MALRD1: variants seen among roughly 807,000 people sequenced by gnomAD.
The protein encoded by MALRD1 is MAM and LDL-receptor class A domain-containing protein 1.
Under a neutral mutation model 242.1 loss-of-function variants are expected in MALRD1, and 247 were observed. The ratio of observed to expected loss-of-function variants is 1.02; its 90% CI spans 0.92 to 1.13. The LOEUF is 1.13. MALRD1 is among the 50% of genes most tolerant of loss of function. The probability of loss-of-function intolerance (pLI) is 0.00; values close to 1 mark genes in which losing one functional copy is unlikely to be tolerated. For missense variants in MALRD1, 2,989 were observed against 2,533.1 expected (o/e 1.18, Z -3.86); for synonymous variants, 995 against 866.6 (o/e 1.15, Z -2.60).
At chr10:19,233,777 C>T (rs1460779630) in intron 18 of MALRD1, among the ~76,000 whole-genome samples, 10 of 151,502 alleles carry the variant, frequency 6.6e-5, no homozygotes, top group Non-Finnish European at 1.2e-4. Flanking sequence ...CAATTTGAAG[C>T]ACTGGATTAA....
chr10:19,339,083 C>A (rs1475313833), intron 24 of MALRD1, among the ~76,000 whole-genome samples: 1 of 151,532 alleles, frequency 6.6e-6, no homozygotes, highest in Non-Finnish European at 1.5e-5. Context: ...CACACACATC[C>A]CTAGGAGGAT....
chr10:19,654,773 G>T (rs1264367039), intron 36 of MALRD1, among the ~76,000 whole-genome samples: 5 of 152,118 alleles, frequency 3.3e-5, no homozygotes, highest in Non-Finnish European at 7.4e-5. Flanking sequence ...GGCACAGAAG[G>T]GAAATCAGGA....
chr10:19,165,982 TAAC>T (rs1834671467), intron 13 of MALRD1, among the ~76,000 whole-genome samples, 172 bp downstream of exon 13: 1 of 100,796 alleles, frequency 9.9e-6, no homozygotes, highest in Admixed American at 1.2e-4. Context: ...GATAACAAAA[TAAC>T]ACCATAGCTC....
chr10:19,383,727 C>G (rs547984528), intron 26 of MALRD1, among the ~76,000 whole-genome samples: 1 of 151,704 alleles, frequency 6.6e-6, no homozygotes, highest in African/African-American at 2.4e-5. Context: ...ATGTGATGAT[C>G]AAAATATCTC....
In MALRD1 at chr10:19,622,982, C is replaced by T. The variant is rs183707172; in HGVS notation, c.6137+7059C>T. 3.5e-4 allele frequency among the ~76,000 whole-genome samples: 53 copies of T among 152,014 alleles called. No homozygotes were observed. In the East Asian group the frequency reaches 6.4e-3, roughly 18 times the overall value. Reference sequence around the variant, plus strand: ...GAAAAGGGTAAAATTAGAACCATACCTCACACTATATATACACAAAGATAA... The same window carrying T: ...GAAAAGGGTAAAATTAGAACCATACTTCACACTATATATACACAAAGATAA... On this transcript the variant is annotated intron_variant, in intron 36 of 39. Transcript: ENST00000454679.
chr10:19,556,737 G>A (rs1835735956), intron 32 of MALRD1, among the ~76,000 whole-genome samples: 1 of 152,098 alleles, frequency 6.6e-6, no homozygotes, highest in South Asian at 2.1e-4. Flanking sequence ...TGCACATTTA[G>A]TGTAGACATA....
chr10:19,430,140 A>T (rs1186844334), intron 28 of MALRD1, among the ~76,000 whole-genome samples: 3 of 51,628 alleles, frequency 5.8e-5, no homozygotes, highest in Non-Finnish European at 6.9e-5. Flanking sequence ...TTTGAGATGG[A>T]GGCTCACTCT....
chr10:19,170,627 C>A (rs1043751817), intron 13 of MALRD1, among the ~76,000 whole-genome samples: 4 of 152,082 alleles, frequency 2.6e-5, no homozygotes, highest in African/African-American at 9.7e-5. Context: ...TAATCTAGAG[C>A]TGCATGAAAT....
chr10:19,197,400 T>C (rs1836313746), intron 14 of MALRD1, among the ~76,000 whole-genome samples: 3 of 152,202 alleles, frequency 2.0e-5, no homozygotes, highest in Admixed American at 2.0e-4. Context: ...TTGTCACATC[T>C]CTGCTTAAAA....
intron 28 of MALRD1, among the ~76,000 whole-genome samples, chr10:19,398,308 G>T (rs1039398088): frequency 1.2e-4 from 18 of 152,104 alleles, no homozygotes; most frequent in Admixed American, 1.3e-4. Context: ...TGCATTTAAT[G>T]TTGGTTAGGA....
chr10:19,064,152 T>C (rs2131234761), intron 1 of MALRD1, among the ~76,000 whole-genome samples: 1 of 152,192 alleles, frequency 6.6e-6, no homozygotes, highest in East Asian at 1.9e-4. Context: ...GATTATAAAA[T>C]TGAAAACAAA....
intron 36 of MALRD1, among the ~76,000 whole-genome samples, chr10:19,659,088 A>G (rs1294229617): frequency 6.6e-6 from 1 of 152,154 alleles, no homozygotes; most frequent in Non-Finnish European, 1.5e-5. Context: ...CATCAGGGTT[A>G]TTTTAGGACA....
chr10:19,472,652 TTATC>T (rs1324935938), intron 29 of MALRD1, among the ~76,000 whole-genome samples: 4 of 151,884 alleles, frequency 2.6e-5, no homozygotes, highest in Non-Finnish European at 5.9e-5. Context: ...TACTAGGAAT[TTATC>T]TATTTCTTTT....
At chr10:19,150,593 A>G (rs1009895700) in intron 11 of MALRD1, among the ~76,000 whole-genome samples, 1 of 152,198 alleles carries the variant, frequency 6.6e-6, no homozygotes, top group Non-Finnish European at 1.5e-5. Flanking sequence ...CTGTCTAGGC[A>G]GTAAGCTGTG....
chr10:19,309,730 T>C (rs945154154), intron 21 of MALRD1, among the ~76,000 whole-genome samples: 15 of 150,560 alleles, frequency 1.0e-4, no homozygotes, highest in African/African-American at 3.5e-4. Flanking sequence ...CTAGGTTAAC[T>C]GTACAGTGGT....
intron 2 of MALRD1, among the ~76,000 whole-genome samples, chr10:19,082,657 T>TA (rs35071671): frequency 3.3e-5 from 5 of 151,248 alleles, no homozygotes; most frequent in Admixed American, 2.0e-4. Context: ...TTTCTCACTT[T>TA]AAAAAAAAAC....
rs966207935 is a variant in MALRD1, at chr10:19,175,148, G to T, written c.1831-60G>T. On this transcript the variant is annotated intron_variant, in intron 13 of 39. Coordinates refer to ENST00000454679, the MANE Select transcript of MALRD1 (RefSeq NM_001142308.3). ...AGGGTTCCTCTACACAAAGAAATAT[G>T]ATTGTAAGACATTACTTTTGTGATG... 3 of 1,154,814 alleles carry T rather than the reference G, an allele frequency of 2.6e-6. No homozygotes were observed. The East Asian group carries it at 1.0e-4, about 39-fold the overall frequency. 71.5% of individuals were successfully genotyped at this position (1,154,814 alleles called of 1,614,324 possible). A position where few individuals can be genotyped will look rare whatever the true frequency, so the allele number is the denominator to read the frequency against.
intron 26 of MALRD1, among the ~76,000 whole-genome samples, chr10:19,362,199 G>A (rs532311235): frequency 6.6e-6 from 1 of 152,056 alleles, no homozygotes; most frequent in Non-Finnish European, 1.5e-5. Flanking sequence ...ATCAACTTCA[G>A]TGTATCCAAT....
intron 18 of MALRD1, among the ~76,000 whole-genome samples, 180 bp downstream of exon 18, chr10:19,209,860 C>T (rs1836967342): frequency 6.6e-6 from 1 of 152,114 alleles, no homozygotes; most frequent in Admixed American, 6.6e-5. Flanking sequence ...TCCTTGACTA[C>T]CCCCAATGAT....
Sources: allele counts gnomAD v4.1 joint callset (sites outside exome capture counted in the v4.1 genomes callset), GRCh38; gene constraint gnomAD v4.1.1; transcripts MANE v1.5; gene names NCBI Gene and HGNC (gene_info 2026-07-23, HGNC 2026-07-21).